C10orf67: variants seen among roughly 807,000 people sequenced by gnomAD.
The protein encoded by C10orf67 is uncharacterized protein C10orf67, mitochondrial.
A neutral mutation model predicts 35.6 loss-of-function variants in C10orf67; 60 were observed. The observed-to-expected ratio is 1.68, with a 90% confidence interval of 1.37 to 2.09. C10orf67 has a LOEUF of 2.09. Ranked by LOEUF, C10orf67 falls within the 30% of genes most tolerant of loss-of-function variation. The pLI, the probability that C10orf67 is intolerant of heterozygous loss-of-function variation, is 0.00. For synonymous variants in C10orf67, 167 were observed against 115.8 expected (o/e 1.44, Z -2.84); for missense variants, 474 against 330.2 (o/e 1.44, Z -3.38).
At chr10:23,271,731 G>T (rs1287774141) in intron 8 of C10orf67, among the ~76,000 whole-genome samples, 3 of 152,066 alleles carry the variant, frequency 2.0e-5, no homozygotes, top group Non-Finnish European at 2.9e-5. Flanking sequence ...TTTAAATAAA[G>T]TGCCTGTTCA....
At chr10:23,300,605 C>G (rs1337775197) in intron 5 of C10orf67, among the ~76,000 whole-genome samples, 4 of 152,176 alleles carry the variant, frequency 2.6e-5, no homozygotes, top group African/African-American at 4.8e-5. Context: ...TCCTCAATGC[C>G]TCTCTTAGTC....
intron 10 of C10orf67, among the ~76,000 whole-genome samples, chr10:23,253,989 G>A (rs1842535232): frequency 6.6e-6 from 1 of 152,156 alleles, no homozygotes; most frequent in Non-Finnish European, 1.5e-5. Context: ...ACATTAAACT[G>A]TCATTTTGTT....
At chr10:23,205,019 G>C (rs530996379) in intron 15 of C10orf67, among the ~76,000 whole-genome samples, 1 of 152,194 alleles carries the variant, frequency 6.6e-6, no homozygotes, top group African/African-American at 2.4e-5. Context: ...ACTTATAGCC[G>C]GGGCAGTGGG....
At chr10:23,224,385 C>A (rs1450022395) in intron 13 of C10orf67, among the ~76,000 whole-genome samples, 1 of 152,164 alleles carries the variant, frequency 6.6e-6, no homozygotes, top group Admixed American at 6.5e-5. Flanking sequence ...TGTACATCAC[C>A]ATCATCAAAG....
At chr10:23,245,394 G>C (rs1257507065) in intron 12 of C10orf67, among the ~76,000 whole-genome samples, 1 of 152,112 alleles carries the variant, frequency 6.6e-6, no homozygotes, top group Non-Finnish European at 1.5e-5. Flanking sequence ...CTTCCTCACA[G>C]CAAAGAAAAC....
At position 23,331,881 on chromosome 10, in the gene C10orf67, G is replaced by A. The variant is rs561947242; in HGVS notation, c.327+1181C>T. 1.2e-3 allele frequency among the ~76,000 whole-genome samples: 188 copies of A among 152,196 alleles called. 1 individual carries two copies. Among genetic ancestry groups the A allele is most frequent in the African/African-American group, 4.3e-3 (178 of 41,518 alleles). Reference sequence around the variant, plus strand: ...TGGTCATTTGGACACACTTAGTTACGAAAGAATAAAATTATAAAATGTTTC... The same window carrying A: ...TGGTCATTTGGACACACTTAGTTACAAAAGAATAAAATTATAAAATGTTTC... On this transcript the variant is annotated intron_variant, in intron 2 of 15. Coordinates refer to ENST00000636213, the MANE Select transcript of C10orf67 (RefSeq NM_001371909.1).
At chr10:23,270,361 T>C (rs1469859487) in intron 8 of C10orf67, among the ~76,000 whole-genome samples, 1 of 152,096 alleles carries the variant, frequency 6.6e-6, no homozygotes, top group African/African-American at 2.4e-5. Context: ...CCATAGATCT[T>C]TGCAACCTGT....
intron 15 of C10orf67, among the ~76,000 whole-genome samples, chr10:23,207,902 A>G (rs1257713610): frequency 6.6e-6 from 1 of 152,118 alleles, no homozygotes; most frequent in South Asian, 2.1e-4. Context: ...TCTGTGTAGA[A>G]CATAACAAAT....
At chr10:23,233,768 T>G (rs751740333) in intron 13 of C10orf67, among the ~76,000 whole-genome samples, 13 of 152,190 alleles carry the variant, frequency 8.5e-5, no homozygotes, top group Non-Finnish European at 1.6e-4. Flanking sequence ...TTGCAGAATG[T>G]TTTAAGACTC....
intron 8 of C10orf67, among the ~76,000 whole-genome samples, chr10:23,275,263 T>C (rs537189057): frequency 2.6e-5 from 4 of 152,152 alleles, no homozygotes; most frequent in African/African-American, 7.2e-5. Context: ...GGTGGGAGGA[T>C]TGCTTGAGCA....
intron 5 of C10orf67, among the ~76,000 whole-genome samples, chr10:23,300,796 C>A (rs1477508173): frequency 1.3e-5 from 2 of 152,170 alleles, no homozygotes; most frequent in African/African-American, 4.8e-5. Context: ...CTGGGAATTG[C>A]CTGCTGGCCT....
intron 5 of C10orf67, among the ~76,000 whole-genome samples, chr10:23,297,359 G>A (rs558528772): frequency 6.6e-6 from 1 of 152,144 alleles, no homozygotes; most frequent in South Asian, 2.1e-4. Context: ...ATGTTTGATA[G>A]GTGTTCCCTC....
rs1200235984 is a variant in C10orf67 at position 23,282,045 on chromosome 10, G to C, written c.943C>G (p.Leu315Val). Residue 315 changes from leucine to valine, a missense_variant, in exon 8 of 16, where the codon CTT becomes GTT. Physicochemically the swap from Leu to Val is conservative, Grantham distance 32. Transcript: ENST00000636213. ...TGAACTAATGATTTTTCATAATGAA[G>C]CTCTTCTCTTAATCTGTCTCTACTA... Reference protein sequence around the residue: ...MDSRDRLREELHYEKSLVQDV... With the variant: ...MDSRDRLREEVHYEKSLVQDV... 1.6e-6 allele frequency: 1 copy of C among 628,654 alleles called. No individual in the cohort carries two copies. Among genetic ancestry groups the C allele is most frequent in the Admixed American group, 2.8e-5 (1 of 35,486 alleles). The allele number at this position is 628,654 out of a possible 1,614,324, so 38.9% of individuals were successfully genotyped here. A position where few individuals can be genotyped will look rare whatever the true frequency, so the allele number is the denominator to read the frequency against.
At chr10:23,226,431 T>C (rs914562974) in intron 13 of C10orf67, among the ~76,000 whole-genome samples, 4 of 152,002 alleles carry the variant, frequency 2.6e-5, no homozygotes, top group Admixed American at 2.6e-4. Context: ...CTGGGACACA[T>C]TTAAAGCAGT....
rs781062423 is a variant in C10orf67 at position 23,320,798 on chromosome 10, T to G, written c.489A>C (p.Arg163Ser). The G allele has an allele frequency of 6.3e-7, 1 of 1,584,042 alleles. No homozygotes were observed. ...KHYQQNEDKMRKSFNQQLADA... is the reference protein window; with the variant it reads ...KHYQQNEDKMSKSFNQQLADA... ...CAGCTAACTGCTGATTGAAGGATTT[T>G]CTCATCTTATCCTCATTCTGCAAAC... The change falls in exon 4 of 16, where the codon AGA becomes AGC. Residue 163 changes from arginine to serine, a missense_variant. Coordinates refer to ENST00000636213, the MANE Select transcript of C10orf67 (RefSeq NM_001371909.1).
chr10:23,296,108 T>C (rs1209011234), intron 5 of C10orf67, among the ~76,000 whole-genome samples: 2 of 152,200 alleles, frequency 1.3e-5, no homozygotes, highest in African/African-American at 4.8e-5. Flanking sequence ...AAGTGTTTCT[T>C]CCTAGTGTTA....
At position 23,320,333 on chromosome 10, in the gene C10orf67, A is replaced by T. The variant is rs141726231; in HGVS notation, c.546+408T>A. ...CAGGAATTTTCCCATTGTGAAGGAA[A>T]ATGAAGCATGTGTCTGGCAGATAGA... On this transcript the variant is annotated intron_variant, in intron 4 of 15. Coordinates refer to ENST00000636213, the MANE Select transcript of C10orf67 (RefSeq NM_001371909.1). Among the ~76,000 whole-genome samples, 32 of 152,338 alleles carry T rather than the reference A, an allele frequency of 2.1e-4. No individual in the cohort carries two copies. In the East Asian group the frequency reaches 6.0e-3, roughly 28 times the overall value.
rs1299815678 is a variant in C10orf67, at chr10:23,344,571, C to T, written c.204G>A (p.Thr68=). 4.4e-6 allele frequency: 7 copies of T among 1,573,604 alleles called. No individual in the cohort carries two copies. Among genetic ancestry groups the T allele is most frequent in the Non-Finnish European group, 5.2e-6 (6 of 1,160,438 alleles). The part of the protein sequence containing the change: ...EFKPPQMRGS[T]RLNISDDLKI... ...CCCAGGCGCGGAGCTCAGCCTACCT[C>T]GTGGACCCGCGCATTTGCGGGGGCT... The change falls in exon 1 of 16, where the codon ACG becomes ACA. Residue 68 remains threonine, a splice_region_variant and synonymous_variant. Coordinates refer to ENST00000636213, the MANE Select transcript of C10orf67 (RefSeq NM_001371909.1).
rs760003764 is a variant in C10orf67 at position 23,204,275 on chromosome 10, G to T, written c.1571-20C>A. The T allele has an allele frequency of 4.1e-5, 25 of 615,020 alleles. No individual in the cohort carries two copies. The highest frequency in any genetic ancestry group is 2.5e-4 in the East Asian group (8 of 32,512). 38.1% of individuals were successfully genotyped at this position (615,020 alleles called of 1,614,324 possible). On this transcript the variant is annotated intron_variant, in intron 15 of 15. Transcript: ENST00000636213. ...ACTTCCCTAAACGTGAAGAAAGGTG[G>T]ACAGACATAAACTTTGTTTTACTTA...
Sources: allele counts gnomAD v4.1 joint callset (sites outside exome capture counted in the v4.1 genomes callset), GRCh38; gene constraint gnomAD v4.1.1; transcripts MANE v1.5; gene names NCBI Gene and HGNC (gene_info 2026-07-23, HGNC 2026-07-21).